Variants in TNNT3 observed in about 807,000 individuals in gnomAD.
TNNT3 encodes the protein troponin T3, fast skeletal type.
A neutral mutation model predicts 54.2 loss-of-function variants in TNNT3; 36 were observed. That is an observed-to-expected ratio of 0.66 (90% CI 0.51 to 0.88). The LOEUF (loss-of-function observed/expected upper bound fraction) is 0.88, where lower values mean the gene tolerates loss of function less well. Among genes scored for constraint, TNNT3 ranks in the 40% least tolerant of loss-of-function variants. The probability of loss-of-function intolerance (pLI) is 0.00; values close to 1 mark genes in which losing one functional copy is unlikely to be tolerated. For missense variants in TNNT3, 291 were observed against 331.6 expected (o/e 0.88, Z 0.95); for synonymous variants, 120 against 109.7 (o/e 1.09, Z -0.59).
chr11:1,925,372 C>G, intron 5 of TNNT3: 1 of 1,415,132 alleles, frequency 7.1e-7, no homozygotes, highest in Non-Finnish European at 9.7e-7. Context: ...GTGGGGAAGC[C>G]ACGAGGTACC....
chr11:1,925,305 A>G (rs749818553), intron 5 of TNNT3, 189 bp downstream of exon 5: 4 of 1,533,742 alleles, frequency 2.6e-6, no homozygotes, highest in Non-Finnish European at 3.5e-6. Flanking sequence ...TCTTGTCCCC[A>G]TGTGGGGCCC....
intron 15 of TNNT3, among the ~76,000 whole-genome samples, chr11:1,937,266 C>T (rs557890304): frequency 2.0e-5 from 3 of 152,242 alleles, no homozygotes; most frequent in Non-Finnish European, 2.9e-5. Flanking sequence ...GTCACGCCCT[C>T]GCCCCGAGTC....
chr11:1,920,456 C>A (rs1464774092), intron 1 of TNNT3, among the ~76,000 whole-genome samples: 5 of 152,088 alleles, frequency 3.3e-5, no homozygotes, highest in African/African-American at 1.2e-4. Flanking sequence ...GAGAAGCTGG[C>A]GCTCGTAAGA....
Position 1,929,798 on chromosome 11 carries a change from T to C in TNNT3, c.107-12T>C. Reference sequence around the variant, plus strand: ...GGTGTCCCTCTCCCTACGCTGGTGCTGTGTGGACCAGAGGAGAAACCGAGA... The same window carrying C: ...GGTGTCCCTCTCCCTACGCTGGTGCCGTGTGGACCAGAGGAGAAACCGAGA... On this transcript the variant is annotated splice_polypyrimidine_tract_variant and intron_variant, in intron 7 of 15. Transcript: ENST00000278317. 1 of 1,551,678 alleles carries C rather than the reference T, an allele frequency of 6.4e-7. No individual in the cohort carries two copies. Among genetic ancestry groups the C allele is most frequent in the South Asian group, 1.2e-5 (1 of 84,032 alleles).
intron 5 of TNNT3, chr11:1,926,414 T>C (rs1378784491): frequency 6.8e-6 from 11 of 1,611,570 alleles, no homozygotes; most frequent in Non-Finnish European, 9.3e-6. Context: ...CGCTTCTCCA[T>C]TGACCTCTGA....
Position 1,933,702 on chromosome 11 carries a change from C to A in TNNT3, c.172-19C>A. 6.3e-7 allele frequency: 1 copy of A among 1,596,244 alleles called. No homozygotes were observed. Among genetic ancestry groups the A allele is most frequent in the Non-Finnish European group, 8.6e-7 (1 of 1,164,854 alleles). On this transcript the variant is annotated intron_variant, in intron 9 of 15. Coordinates refer to ENST00000278317, the MANE Select transcript of TNNT3 (RefSeq NM_006757.4). The stretch of plus-strand genomic sequence containing the variant: ...TTGGAGAGAGGGGTGGGGCTCACAC[C>A]CACTGCCCCTGCCCACAGGACATCC...
At chr11:1,932,158 G>A (rs1461734266) in intron 8 of TNNT3, among the ~76,000 whole-genome samples, 2 of 152,252 alleles carry the variant, frequency 1.3e-5, no homozygotes, top group African/African-American at 4.8e-5. Flanking sequence ...TTATCTGTTT[G>A]AGGAGGAAAC....
intron 6 of TNNT3, among the ~76,000 whole-genome samples, chr11:1,928,823 G>T (rs1327424845): frequency 3.0e-5 from 2 of 66,594 alleles, no homozygotes. Flanking sequence ...ATGAGACCCA[G>T]TGCCCTTAGC....
At chr11:1,922,006 G>A (rs910161579) in intron 1 of TNNT3, among the ~76,000 whole-genome samples, 2 of 152,194 alleles carry the variant, frequency 1.3e-5, no homozygotes, top group East Asian at 1.9e-4. Context: ...CAGATCCAGA[G>A]CATCCCCGGG....
chr11:1,922,763 T>A, intron 1 of TNNT3, 94 bp from the exon 2 acceptor site: 2 of 1,305,902 alleles, frequency 1.5e-6, no homozygotes, highest in South Asian at 2.4e-5. Flanking sequence ...CCCACAGCGC[T>A]GCTCCAAGAC....
rs573802723 is a variant in TNNT3, at chr11:1,938,370, G to A, written c.723-68G>A. 3.2e-6 allele frequency: 5 copies of A among 1,567,348 alleles called. No homozygotes were observed. In the South Asian group the frequency reaches 4.4e-5, roughly 14 times the overall value. ...GGGGTCGGGCTGAGAGTCCGCCCAGGGTGGGGGACCAGGAGGGGCATGGCC... is the reference window on the plus strand; with the variant it reads ...GGGGTCGGGCTGAGAGTCCGCCCAGAGTGGGGGACCAGGAGGGGCATGGCC... On this transcript the variant is annotated intron_variant, in intron 15 of 15. Transcript: ENST00000278317.
At chr11:1,925,880 A>G (rs1174048878) in intron 5 of TNNT3, among the ~76,000 whole-genome samples, 1 of 152,126 alleles carries the variant, frequency 6.6e-6, no homozygotes, top group Non-Finnish European at 1.5e-5. Context: ...CAGAGCCATC[A>G]CTGGTGCCCA....
intron 6 of TNNT3, 121 bp from the exon 7 acceptor site, chr11:1,928,999 G>A (rs1852448655): frequency 1.8e-6 from 2 of 1,128,616 alleles, no homozygotes; most frequent in Non-Finnish European, 2.6e-6. Context: ...CCCTGGAGAA[G>A]AGAGTGTCCG....
rs533293564 is a variant in TNNT3, at chr11:1,924,714, C to T, written c.50-385C>T. 2.6e-5 allele frequency among the ~76,000 whole-genome samples: 4 copies of T among 152,268 alleles called. No individual in the cohort carries two copies. In the East Asian group the frequency reaches 7.8e-4, roughly 30 times the overall value. On this transcript the variant is annotated intron_variant, in intron 4 of 15. Transcript: ENST00000278317. ...GGGTGCACTCAGAGCCGGGGCTTCCCGCAGGCCCTGTGGGTTCTGTCCCCG... is the reference window on the plus strand; with the variant it reads ...GGGTGCACTCAGAGCCGGGGCTTCCTGCAGGCCCTGTGGGTTCTGTCCCCG...
intron 8 of TNNT3, 41 bp from the exon 9 acceptor site, chr11:1,932,428 C>T (rs760577551): frequency 6.2e-7 from 1 of 1,607,230 alleles, no homozygotes; most frequent in South Asian, 1.1e-5. Context: ...TGGGGTGGGT[C>T]TCCGGGTCTC....
intron 5 of TNNT3, chr11:1,925,472 T>C (rs889920126): frequency 4.6e-6 from 3 of 654,784 alleles, no homozygotes; most frequent in Non-Finnish European, 8.1e-6. Flanking sequence ...GTCTCGAGGG[T>C]GGGCCCCCTT....
In TNNT3 at chr11:1,934,818, C is replaced by T. The variant is rs1854492898; in HGVS notation, c.591-11C>T. The T allele has an allele frequency of 1.9e-6, 3 of 1,612,992 alleles. No homozygotes were observed. Among genetic ancestry groups the T allele is most frequent in the Non-Finnish European group, 2.5e-6 (3 of 1,179,866 alleles). On this transcript the variant is annotated splice_polypyrimidine_tract_variant and intron_variant, in intron 13 of 15. Coordinates refer to ENST00000278317, the MANE Select transcript of TNNT3 (RefSeq NM_006757.4). ...TTATTCAACGAAGCCTCACCACTTC[C>T]TCTGCCCCAGGGACAAGGCCAAGGA...
At chr11:1,924,991 G>T in intron 4 of TNNT3, 108 bp from the exon 5 acceptor site, 2 of 1,327,160 alleles carry the variant, frequency 1.5e-6, no homozygotes, top group Non-Finnish European at 1.1e-6. Context: ...TCTTCTCCCG[G>T]CCAGCCGGCC....
intron 14 of TNNT3, chr11:1,936,402 C>A: frequency 1.1e-6 from 1 of 917,408 alleles, no homozygotes; most frequent in Non-Finnish European, 1.7e-6. Flanking sequence ...TCCCCTCGTG[C>A]CTGCAGCCGG....
Sources: gnomAD v4.1 joint callset for allele counts (sites outside exome capture counted in the v4.1 genomes callset) on GRCh38, gnomAD v4.1.1 for gene constraint, MANE v1.5 for transcripts, NCBI Gene and HGNC (gene_info 2026-07-23, HGNC 2026-07-21) for gene names.